The following TLL1 variants were observed in gnomAD, a reference collection of about 807,000 sequenced individuals.
TLL1 encodes the protein tolloid-like protein 1.
Under a neutral mutation model 128.2 loss-of-function variants are expected in TLL1, and 49 were observed. The ratio of observed to expected loss-of-function variants is 0.38; its 90% CI spans 0.30 to 0.48. The LOEUF (loss-of-function observed/expected upper bound fraction) is 0.48. TLL1 is among the 20% of genes least tolerant of loss of function. The probability of loss-of-function intolerance (pLI) is 0.96; values close to 1 mark genes in which losing one functional copy is unlikely to be tolerated. For synonymous variants in TLL1, 454 were observed against 418.8 expected, an observed-to-expected ratio of 1.08 and a Z score of -1.03; for missense variants, 1,123 against 1,242.0, an observed-to-expected ratio of 0.90 and a Z score of 1.44.
chr4:165,932,401 C>G (rs909515633), intron 1 of TLL1, among the ~76,000 whole-genome samples: 1 of 152,168 alleles, frequency 6.6e-6, no homozygotes, highest in Non-Finnish European at 1.5e-5. Flanking sequence ...AAGTATTCCT[C>G]ATTCCTGATT....
chr4:166,037,618 G>A (rs1739061130), intron 9 of TLL1, among the ~76,000 whole-genome samples: 1 of 152,052 alleles, frequency 6.6e-6, no homozygotes, highest in African/African-American at 2.4e-5. Context: ...AACCAGCCTG[G>A]CCAACATGGT....
chr4:165,964,992 A>G (rs188873266), intron 1 of TLL1, among the ~76,000 whole-genome samples: 73 of 152,142 alleles, frequency 4.8e-4, no homozygotes, highest in South Asian at 4.1e-4. Flanking sequence ...AAATAGATCC[A>G]TCTATCTTAA....
intron 14 of TLL1, among the ~76,000 whole-genome samples, chr4:166,058,475 G>C (rs1415654683): frequency 6.6e-6 from 1 of 152,072 alleles, no homozygotes; most frequent in Non-Finnish European, 1.5e-5. Flanking sequence ...TTTTGTCGTG[G>C]TTATCTGCAT....
At chr4:165,948,495 T>G (rs895967996) in intron 1 of TLL1, among the ~76,000 whole-genome samples, 2 of 152,116 alleles carry the variant, frequency 1.3e-5, no homozygotes, top group Non-Finnish European at 2.9e-5. Context: ...AGAAAAAGAA[T>G]TTGTTTCTTA....
chr4:166,004,106 A>G (rs1438867450), intron 6 of TLL1, among the ~76,000 whole-genome samples: 4 of 152,100 alleles, frequency 2.6e-5, no homozygotes, highest in African/African-American at 9.7e-5. Context: ...ACAAATTCTT[A>G]GGAAAATTTT....
chr4:166,093,435 A>G (rs967099205), intron 19 of TLL1, among the ~76,000 whole-genome samples: 4 of 152,188 alleles, frequency 2.6e-5, no homozygotes, highest in Non-Finnish European at 5.9e-5. Context: ...TCAGTGGAGT[A>G]AAGAATAACA....
At chr4:165,953,849 C>T (rs997729775) in intron 1 of TLL1, among the ~76,000 whole-genome samples, 8 of 151,890 alleles carry the variant, frequency 5.3e-5, no homozygotes, top group South Asian at 2.1e-4. Context: ...ACATTGGAAA[C>T]GTAAGGTTCT....
chr4:165,906,118 T>C (rs72695710), intron 1 of TLL1, among the ~76,000 whole-genome samples: 11,019 of 152,244 alleles, frequency 0.072, 501 homozygotes, highest in East Asian at 0.17. Context: ...TTCTATTTTG[T>C]ATTGTCTATG....
At chr4:166,030,969 C>G in intron 9 of TLL1, 6 of 970,108 alleles carry the variant, frequency 6.2e-6, no homozygotes, top group Non-Finnish European at 7.4e-6. Context: ...ACCTTCATTT[C>G]AAACATTTTT....
chr4:165,981,609 G>T (rs1166375495), intron 1 of TLL1, among the ~76,000 whole-genome samples: 2 of 151,934 alleles, frequency 1.3e-5, no homozygotes, highest in Non-Finnish European at 2.9e-5. Context: ...TATTTATAAA[G>T]ATTTTATTTA....
chr4:165,892,233 G>GAAC (rs1731455428), intron 1 of TLL1, among the ~76,000 whole-genome samples: 2 of 152,156 alleles, frequency 1.3e-5, no homozygotes, highest in Admixed American at 1.3e-4. Context: ...GGGATTATGA[G>GAAC]AACAACAACA....
intron 9 of TLL1, among the ~76,000 whole-genome samples, chr4:166,038,895 CATAATT>C (rs1310236742): frequency 6.6e-6 from 1 of 152,068 alleles, no homozygotes; most frequent in Non-Finnish European, 1.5e-5. Flanking sequence ...TTATTTTTAA[CATAATT>C]ATAGATGTCT....
rs116290633 is a variant in TLL1, at chr4:165,894,923, C to T, written c.169+20850C>T. 3.0e-3 allele frequency among the ~76,000 whole-genome samples: 448 copies of T among 150,864 alleles called. 2 individuals are homozygous for T. The highest frequency in any genetic ancestry group is 9.2e-3 in the African/African-American group (377 of 41,090). On this transcript the variant is annotated intron_variant, in intron 1 of 20. Coordinates refer to ENST00000061240, the MANE Select transcript of TLL1 (RefSeq NM_012464.5). ...GTTTAAATGTAAAATGTGGTTTATA[C>T]ATGCACATGCATTTTATAAAAATTG...
At chr4:166,038,926 GAAAT>G (rs1296252913) in intron 9 of TLL1, among the ~76,000 whole-genome samples, 1 of 152,002 alleles carries the variant, frequency 6.6e-6, no homozygotes, top group Non-Finnish European at 1.5e-5. Flanking sequence ...GGTCATTTTT[GAAAT>G]AAATTATTTT....
intron 16 of TLL1, among the ~76,000 whole-genome samples, chr4:166,066,713 AGTTAATG>A (rs1258570192): frequency 1.3e-5 from 2 of 151,758 alleles, no homozygotes; most frequent in African/African-American, 4.8e-5. Flanking sequence ...GTATAATTGA[AGTTAATG>A]GTTCACAAGC....
At chr4:165,918,417 T>C (rs1226303687) in intron 1 of TLL1, among the ~76,000 whole-genome samples, 1 of 152,134 alleles carries the variant, frequency 6.6e-6, no homozygotes, top group African/African-American at 2.4e-5. Context: ...TTAAAATTAT[T>C]TGGGGGAGTC....
chr4:165,932,207 A>T (rs1561036670), intron 1 of TLL1, among the ~76,000 whole-genome samples: 1 of 152,198 alleles, frequency 6.6e-6, no homozygotes, highest in Non-Finnish European at 1.5e-5. Context: ...GATTCACCCT[A>T]TTCTGCTTTT....
chr4:165,986,984 T>C (rs1384549313), intron 1 of TLL1, among the ~76,000 whole-genome samples: 2 of 152,238 alleles, frequency 1.3e-5, no homozygotes, highest in East Asian at 3.9e-4. Context: ...TTAATACTAA[T>C]AAAGATGATG....
chr4:166,042,043 C>T lies in TLL1; in HGVS notation c.1278C>T (p.Asp426=). Residue 426 remains aspartate, a synonymous_variant, in exon 11 of 21, where the codon GAC becomes GAT. Coordinates refer to ENST00000061240, the MANE Select transcript of TLL1 (RefSeq NM_012464.5). ...TTCTTTTAGGTAGATTCTGTGGGGA[C>T]AAATTGCCTGAAGTTCTTACTTCTA... is the stretch of plus-strand genomic sequence containing the variant. ...KSPLLGRFCG[D]KLPEVLTSTD... is the part of the protein sequence containing the mutation. 1 of 1,611,002 alleles carries T rather than the reference C, an allele frequency of 6.2e-7. No homozygotes were observed.
Sources: allele counts gnomAD v4.1 joint callset (sites outside exome capture counted in the v4.1 genomes callset), GRCh38; gene constraint gnomAD v4.1.1; transcripts MANE v1.5; gene names NCBI Gene and HGNC (gene_info 2026-07-23, HGNC 2026-07-21).